Variants in APBB1 observed in about 807,000 individuals in gnomAD.
APBB1 encodes adaptor protein FE65a2.
A neutral mutation model predicts 78.4 loss-of-function variants in APBB1; 22 were observed. That is an observed-to-expected ratio of 0.28 (90% CI 0.20 to 0.40). The LOEUF is 0.40. APBB1 is among the 10% of genes least tolerant of loss of function. APBB1 has a pLI of 1.00. For synonymous variants in APBB1, 369 were observed against 372.7 expected, an observed-to-expected ratio of 0.99 and a Z score of 0.12; for missense variants, 749 against 932.4, an observed-to-expected ratio of 0.80 and a Z score of 2.56.
chr11:6,407,476 C>T (rs1171020537), intron 2 of APBB1, among the ~76,000 whole-genome samples: 1 of 152,254 alleles, frequency 6.6e-6, no homozygotes, highest in Non-Finnish European at 1.5e-5. Flanking sequence ...TTCCAACCTA[C>T]AACCTGCAGA....
chr11:6,411,073 G>T lies in APBB1; in HGVS notation c.275C>A (p.Thr92Asn). Residue 92 changes from threonine (T) to asparagine (N), a missense_variant, in exon 2 of 15, where the codon ACC becomes AAC. Coordinates refer to ENST00000609360, the MANE Select transcript of APBB1 (RefSeq NM_001164.5). The surrounding 1 kb of genome is among the most constrained non-coding windows in gnomAD (Gnocchi z 5.2). ...GCTGGCCTCCTCCGCCAAGGTCAAG[G>T]TCACATTGCGATTCTGGTCACGGTG... The part of the protein sequence containing the change: ...TAHRDQNRNV[T>N]LTLAEEASQE... The T allele has an allele frequency of 6.2e-7, 1 of 1,613,770 alleles. No homozygotes were observed. The highest frequency in any genetic ancestry group is 2.2e-5 in the East Asian group (1 of 44,856).
chr11:6,400,358 A>C (rs1848439282), intron 12 of APBB1, among the ~76,000 whole-genome samples: 1 of 152,114 alleles, frequency 6.6e-6, no homozygotes, highest in African/African-American at 2.4e-5. Context: ...CCTGGCCAAC[A>C]CAGTGAAACC....
At position 6,399,692 on chromosome 11, in the gene APBB1, T is replaced by G. The variant is rs528139795; in HGVS notation, c.1672+1297A>C. ...TGAGCTTTCAAAATTCAAATCTGAT[T>G]AAGGCAAGTGCACTCTCGGAGACTT... is the stretch of plus-strand genomic sequence containing the variant. On this transcript the variant is annotated intron_variant, in intron 12 of 14. Coordinates refer to ENST00000609360, the MANE Select transcript of APBB1 (RefSeq NM_001164.5). Among the ~76,000 whole-genome samples, 3 of 152,272 alleles carry G rather than the reference T, an allele frequency of 2.0e-5. No individual in the cohort carries two copies. The South Asian group carries it at 6.2e-4, about 32-fold the overall frequency.
In APBB1 at chr11:6,408,538, C is replaced by T. The variant is rs896788807; in HGVS notation, c.721+2089G>A. On this transcript the variant is annotated intron_variant, in intron 2 of 14. Transcript: ENST00000609360. The stretch of plus-strand genomic sequence containing the variant: ...TTTTTTTTTGAGAAGGAGTCTCGCT[C>T]TTATTGCCCAGGCTGGAGTACAATG... Among the ~76,000 whole-genome samples, 16 of 149,104 alleles carry T rather than the reference C, an allele frequency of 1.1e-4. No homozygotes were observed. In the East Asian group the frequency reaches 3.1e-3, roughly 29 times the overall value.
rs139821125 is a variant in APBB1 at position 6,396,664 on chromosome 11, A to G, written c.1673-449T>C. On this transcript the variant is annotated intron_variant, in intron 12 of 14. Transcript: ENST00000609360. ...CTGAGGAGTGATTACTCTGTATCACATTGTGCTAAGTCATTACAGTGTATT... is the reference window on the plus strand; with the variant it reads ...CTGAGGAGTGATTACTCTGTATCACGTTGTGCTAAGTCATTACAGTGTATT... 2.8e-3 allele frequency: 523 copies of G among 190,004 alleles called. 5 individuals are homozygous for G. The highest frequency in any genetic ancestry group is 0.011 in the African/African-American group (453 of 41,824). 11.8% of individuals were successfully genotyped at this position (190,004 alleles called of 1,614,324 possible). A position where few individuals can be genotyped will look rare whatever the true frequency, so the allele number is the denominator to read the frequency against.
In APBB1 at chr11:6,403,884, G is replaced by T; in HGVS notation, c.722-62C>A. ...CAAAGAGCAGACAGCTGGTGCCTAT[G>T]CCCGGTCCCCTCTGAGACCCCATGG... On this transcript the variant is annotated intron_variant, in intron 2 of 14. Transcript: ENST00000609360. This position sits in a 1 kb window ranked among gnomAD's most constrained non-coding sequence, Gnocchi z 5.3. 1 of 1,501,624 alleles carries T rather than the reference G, an allele frequency of 6.7e-7. No homozygotes were observed. The highest frequency in any genetic ancestry group is 8.9e-7 in the Non-Finnish European group (1 of 1,121,184). 93.0% of individuals were successfully genotyped at this position (1,501,624 alleles called of 1,614,324 possible). A position where few individuals can be genotyped will look rare whatever the true frequency, so the allele number is the denominator to read the frequency against.
At chr11:6,417,505 C>T (rs1351031565) in intron 1 of APBB1, among the ~76,000 whole-genome samples, 1 of 152,138 alleles carries the variant, frequency 6.6e-6, no homozygotes, top group Non-Finnish European at 1.5e-5. Flanking sequence ...TAACACAGTG[C>T]CTGGCATATA....
intron 2 of APBB1, chr11:6,404,669 C>T (rs773763702): frequency 2.3e-5 from 36 of 1,536,120 alleles, no homozygotes; most frequent in Middle Eastern, 3.3e-4. Flanking sequence ...CCCTGTAACC[C>T]GCTCATGCGT....
In APBB1 at chr11:6,402,163, A is replaced by G; in HGVS notation, c.1301T>C (p.Val434Ala). 6.2e-7 allele frequency: 1 copy of G among 1,614,050 alleles called. No homozygotes were observed. The highest frequency in any genetic ancestry group is 8.5e-7 in the Non-Finnish European group (1 of 1,180,000). Reference protein sequence around the residue: ...LQLEDETLKLVEPQSQALLHA... With the variant: ...LQLEDETLKLAEPQSQALLHA... ...CAGCAGTGCCTGGCTCTGTGGCTCC[A>G]CTAGCTTTAGTGTCTCATCCTCCAG... is the stretch of plus-strand genomic sequence containing the variant. The change falls in exon 8 of 15, where the codon GTG (valine) becomes GCG (alanine). Residue 434 changes from valine to alanine, a missense_variant. Val to Ala is a moderately conservative substitution (Grantham distance 64). Coordinates refer to ENST00000609360, the MANE Select transcript of APBB1 (RefSeq NM_001164.5).
intron 1 of APBB1, among the ~76,000 whole-genome samples, chr11:6,414,849 A>T (rs1229299585): frequency 6.6e-6 from 1 of 152,200 alleles, no homozygotes; most frequent in Non-Finnish European, 1.5e-5. Flanking sequence ...TCTCTGAAGC[A>T]GTAGTGTACA....
At position 6,403,672 on chromosome 11, in the gene APBB1, C is replaced by T; in HGVS notation, c.872G>A (p.Gly291Glu). The change falls in exon 3 of 15, where the codon GGG (glycine) becomes GAG (glutamate). Residue 291 changes from glycine (G) to glutamate (E), a missense_variant. Around this residue, in one of 3 missense-constraint regions of APBB1, gnomAD observed 635 missense variants for 765.0 expected, o/e 0.83. Coordinates refer to ENST00000609360, the MANE Select transcript of APBB1 (RefSeq NM_001164.5). The surrounding 1 kb of genome is among the most constrained non-coding windows in gnomAD (Gnocchi z 5.3). ...CTGGGACTCCTCTTGGGGGCTGCTCCCCTGTGAGGGGGAGGCCCGGCCGGG... is the reference window on the plus strand; with the variant it reads ...CTGGGACTCCTCTTGGGGGCTGCTCTCCTGTGAGGGGGAGGCCCGGCCGGG... ...EPPGRASPSQ[G>E]SSPQEESQLT... 1 of 1,608,230 alleles carries T rather than the reference C, an allele frequency of 6.2e-7. No individual in the cohort carries two copies. The highest frequency in any genetic ancestry group is 1.1e-5 in the South Asian group (1 of 90,356).
intron 12 of APBB1, among the ~76,000 whole-genome samples, chr11:6,400,592 T>C (rs370966387): frequency 6.6e-6 from 1 of 151,586 alleles, no homozygotes; most frequent in Non-Finnish European, 1.5e-5. Context: ...GTGACAATTA[T>C]GCTCACTGTT....
rs1848936978 is a variant in APBB1 at position 6,410,742 on chromosome 11, G to A, written c.606C>T (p.His202=). ...PQALTDGPRE[H]SKSASLLFGM... ...CAAACAGGAGGCTGGCACTCTTGCT[G>A]TGTTCCCGGGGGCCATCTGTAAGGG... Residue 202 remains histidine, a synonymous_variant, in exon 2 of 15, where the codon CAC becomes CAT. Transcript: ENST00000609360. 1 of 1,573,502 alleles carries A rather than the reference G, an allele frequency of 6.4e-7. No homozygotes were observed. The highest frequency in any genetic ancestry group is 1.2e-5 in the South Asian group (1 of 83,786).
chr11:6,415,879 G>A (rs766798874), intron 1 of APBB1, among the ~76,000 whole-genome samples: 8 of 151,784 alleles, frequency 5.3e-5, no homozygotes, highest in Non-Finnish European at 1.0e-4. Flanking sequence ...TAGGATCCAC[G>A]GTCTCCCAAC....
At position 6,417,085 on chromosome 11, in the gene APBB1, G is replaced by T. The variant is rs57258749; in HGVS notation, c.-15+1900C>A. 6.4e-3 allele frequency among the ~76,000 whole-genome samples: 981 copies of T among 152,326 alleles called. 14 individuals carry two copies. The highest frequency in any genetic ancestry group is 0.022 in the African/African-American group (927 of 41,580). On this transcript the variant is annotated intron_variant, in intron 1 of 14. Coordinates refer to ENST00000609360, the MANE Select transcript of APBB1 (RefSeq NM_001164.5). ...TAACATGGCCTAAATTTCCTGCTCAGTCTGGCGCCTGCCTTCCTCCTCCCT... is the reference window on the plus strand; with the variant it reads ...TAACATGGCCTAAATTTCCTGCTCATTCTGGCGCCTGCCTTCCTCCTCCCT...
At chr11:6,404,430 TACC>T (rs965087499) in intron 2 of APBB1, among the ~76,000 whole-genome samples, 1 of 152,102 alleles carries the variant, frequency 6.6e-6, no homozygotes, top group African/African-American at 2.4e-5. Flanking sequence ...GGTGTGCAGA[TACC>T]ACACCACAAT....
At chr11:6,402,778 G>C (rs1445640902) in intron 6 of APBB1, 53 bp from the exon 7 acceptor site, 2 of 1,609,026 alleles carry the variant, frequency 1.2e-6, no homozygotes, top group East Asian at 2.2e-5. Flanking sequence ...CAAAACTGGA[G>C]AGTTCCTGAC....
In APBB1 at chr11:6,405,651, A is replaced by G. The variant is rs1425270555; in HGVS notation, c.722-1829T>C. 3 of 985,710 alleles carry G rather than the reference A, an allele frequency of 3.0e-6. No individual in the cohort carries two copies. The East Asian group carries it at 3.4e-4, about 112-fold the overall frequency. 61.1% of individuals were successfully genotyped at this position (985,710 alleles called of 1,614,324 possible). ...TCAGGCAGGGTGCTTCACCATCCTC[A>G]GCTTCCAAATGACGTGGGCCCACAG... On this transcript the variant is annotated intron_variant, in intron 2 of 14. Transcript: ENST00000609360.
chr11:6,417,375 C>G (rs1849146354), intron 1 of APBB1, among the ~76,000 whole-genome samples: 1 of 152,112 alleles, frequency 6.6e-6, no homozygotes, highest in Non-Finnish European at 1.5e-5. Context: ...CTCAAGGCAC[C>G]ATACAGCTTT....
Sources: gnomAD v4.1 joint callset for allele counts (sites outside exome capture counted in the v4.1 genomes callset) on GRCh38, gnomAD v4.1.1 for gene constraint, gnomAD v4.1.1 regional missense constraint, Gnocchi (gnomAD v3.1) non-coding constraint, MANE v1.5 for transcripts, NCBI Gene and HGNC (gene_info 2026-07-23, HGNC 2026-07-21) for gene names.